The following PDE8B variants were observed in gnomAD, a reference collection of about 807,000 sequenced individuals.
The protein encoded by PDE8B is phosphodiesterase 8B.
Under a neutral mutation model 101.3 loss-of-function variants are expected in PDE8B, and 26 were observed. The ratio of observed to expected loss-of-function variants is 0.26; its 90% CI spans 0.19 to 0.36. The LOEUF (loss-of-function observed/expected upper bound fraction) is 0.36, where lower values mean the gene tolerates loss of function less well. Among genes scored for constraint, PDE8B ranks in the 10% least tolerant of loss-of-function variants. PDE8B has a pLI of 1.00. For missense variants in PDE8B, 810 were observed against 1,163.1 expected, an observed-to-expected ratio of 0.70 and a Z score of 4.42; for synonymous variants, 424 against 429.3, an observed-to-expected ratio of 0.99 and a Z score of 0.15.
the PDE8B span, among the ~76,000 whole-genome samples, chr5:77,109,934 T>G: frequency 3.0e-4 from 33 of 110,620 alleles, 1 homozygote; most frequent in African/African-American, 1.2e-3. Context: ...TCAGTTTTTT[T>G]TTTTTTTTTT....
chr5:77,339,966 T>G (rs1340759721), intron 6 of PDE8B, among the ~76,000 whole-genome samples: 1 of 152,214 alleles, frequency 6.6e-6, no homozygotes, highest in East Asian at 1.9e-4. Flanking sequence ...GATGAATTAC[T>G]CTGTTGAATA....
the PDE8B span, among the ~76,000 whole-genome samples, chr5:77,132,565 A>G: frequency 6.6e-6 from 1 of 152,184 alleles, no homozygotes; most frequent in Non-Finnish European, 1.5e-5. Flanking sequence ...ACTGTCTACA[A>G]TAGCATTTTA....
At chr5:77,189,519 G>A in the PDE8B span, among the ~76,000 whole-genome samples, 1 of 152,200 alleles carries the variant, frequency 6.6e-6, no homozygotes, top group Non-Finnish European at 1.5e-5. Context: ...TGTAATATCT[G>A]AGCTGAAGCC....
At chr5:77,327,139 A>G (rs1581059240) in intron 3 of PDE8B, among the ~76,000 whole-genome samples, 1 of 152,144 alleles carries the variant, frequency 6.6e-6, no homozygotes, top group Non-Finnish European at 1.5e-5. Context: ...CTCCCAGCAC[A>G]CATTCCCTGG....
At chr5:77,423,659 T>TTTTTTTTTTTTTTTA (rs70988678) in intron 20 of PDE8B, among the ~76,000 whole-genome samples, 1 of 102,380 alleles carries the variant, frequency 9.8e-6, no homozygotes, top group Non-Finnish European at 1.9e-5. Context: ...TTTTTTTTTT[T>TTTTTTTTTTTTTTTA]GAGACAGTCT....
chr5:77,152,521 G>T, the PDE8B span, among the ~76,000 whole-genome samples: 4,914 of 152,256 alleles, frequency 0.032, 244 homozygotes, highest in African/African-American at 0.11. Context: ...CCACAAAGCT[G>T]AAGAAGGACG....
intron 1 of PDE8B, among the ~76,000 whole-genome samples, chr5:77,280,093 A>G (rs1764653922): frequency 6.6e-6 from 1 of 152,260 alleles, no homozygotes; most frequent in Non-Finnish European, 1.5e-5. Context: ...AATATGCCTC[A>G]TTAAGCAGGA....
the PDE8B span, among the ~76,000 whole-genome samples, chr5:77,172,126 T>C: frequency 1.3e-5 from 2 of 152,276 alleles, no homozygotes; most frequent in East Asian, 3.9e-4. Flanking sequence ...GATGGATAGA[T>C]GAATGCGTGG....
chr5:77,099,014 G>T, the PDE8B span, among the ~76,000 whole-genome samples: 1 of 152,128 alleles, frequency 6.6e-6, no homozygotes, highest in Non-Finnish European at 1.5e-5. Context: ...CATAAATTTT[G>T]GGGACACATT....
At chr5:77,366,376 G>A (rs970292063) in intron 10 of PDE8B, among the ~76,000 whole-genome samples, 2 of 152,208 alleles carry the variant, frequency 1.3e-5, no homozygotes, top group African/African-American at 4.8e-5. Context: ...GAAGCACAGT[G>A]TTCTGGGTAA....
At position 77,246,214 on chromosome 5, in the gene PDE8B, C is replaced by T. The variant is rs191067576; in HGVS notation, c.339+34950C>T. 7.2e-5 allele frequency among the ~76,000 whole-genome samples: 11 copies of T among 152,194 alleles called. No individual in the cohort carries two copies. The East Asian group carries it at 2.1e-3, about 29-fold the overall frequency. On this transcript the variant is annotated intron_variant, in intron 1 of 21. Coordinates refer to ENST00000264917, the MANE Select transcript of PDE8B (RefSeq NM_003719.5). Reference sequence around the variant, plus strand: ...TATTAAAAAAAAATGCATTTTAGGTCATTTGATGGATTTATTGCATTCATG... The same window carrying T: ...TATTAAAAAAAAATGCATTTTAGGTTATTTGATGGATTTATTGCATTCATG...
At chr5:77,226,256 C>G (rs1752374580) in intron 1 of PDE8B, among the ~76,000 whole-genome samples, 1 of 152,154 alleles carries the variant, frequency 6.6e-6, no homozygotes, top group African/African-American at 2.4e-5. Flanking sequence ...ATGCCCTCTG[C>G]CTTATTGGTA....
chr5:77,254,387 TA>T (rs11316141), intron 1 of PDE8B, among the ~76,000 whole-genome samples: 10,477 of 151,208 alleles, frequency 0.069, 417 homozygotes, highest in African/African-American at 0.1. Context: ...ATTCAGTCAT[TA>T]AAAAAAAATT....
At chr5:77,147,089 G>C in the PDE8B span, 1 of 386,974 alleles carries the variant, frequency 2.6e-6, no homozygotes, top group Non-Finnish European at 5.0e-6. Context: ...CAGCAAAAAA[G>C]GGAGTTGTCA....
intron 21 of PDE8B, 141 bp from the exon 22 acceptor site, chr5:77,426,304 T>C (rs1049188760): frequency 2.2e-5 from 15 of 695,492 alleles, no homozygotes; most frequent in African/African-American, 3.6e-5. Context: ...AAACTAGTGT[T>C]TAATGACTTG....
At chr5:77,344,393 TTA>T (rs1254274848) in intron 6 of PDE8B, among the ~76,000 whole-genome samples, 1 of 152,196 alleles carries the variant, frequency 6.6e-6, no homozygotes, top group Non-Finnish European at 1.5e-5. Flanking sequence ...TGAAATATCG[TTA>T]TGAGTTGCAT....
intron 1 of PDE8B, among the ~76,000 whole-genome samples, chr5:77,295,547 A>G (rs960329949): frequency 6.6e-6 from 1 of 152,082 alleles, no homozygotes; most frequent in African/African-American, 2.4e-5. Flanking sequence ...TGATTATTTC[A>G]TATCCCTCCT....
chr5:77,210,049 G>A (rs1350698232), upstream of PDE8B, among the ~76,000 whole-genome samples: 1 of 152,162 alleles, frequency 6.6e-6, no homozygotes, highest in Non-Finnish European at 1.5e-5. The surrounding 1 kb of genome is among the most constrained non-coding windows in gnomAD (Gnocchi z 4.9). Flanking sequence ...CTTCCCGGGT[G>A]TGTTGAGAGG....
At chr5:77,240,279 G>A (rs971402178) in intron 1 of PDE8B, among the ~76,000 whole-genome samples, 1 of 152,158 alleles carries the variant, frequency 6.6e-6, no homozygotes, top group African/African-American at 2.4e-5. Context: ...TCAGCCTTCC[G>A]AGTAGCTGGG....
Sources: allele counts gnomAD v4.1 joint callset (sites outside exome capture counted in the v4.1 genomes callset), GRCh38; gene constraint gnomAD v4.1.1; non-coding constraint Gnocchi (gnomAD v3.1); transcripts MANE v1.5; gene names NCBI Gene and HGNC (gene_info 2026-07-23, HGNC 2026-07-21).